SLC17A1: variants seen among roughly 807,000 people sequenced by gnomAD.
SLC17A1 encodes the protein solute carrier family 17 member 1, also known as sodium-dependent phosphate transport protein 1.
A neutral mutation model predicts 53.5 loss-of-function variants in SLC17A1; 51 were observed. The ratio of observed to expected loss-of-function variants is 0.95; its 90% CI spans 0.76 to 1.20. The LOEUF is 1.20. Ranked by LOEUF, SLC17A1 falls within the 50% of genes most tolerant of loss-of-function variation. The pLI is 0.00. For synonymous variants in SLC17A1, 179 were observed against 198.8 expected, an observed-to-expected ratio of 0.90 and a Z score of 0.84; for missense variants, 538 against 568.2, an observed-to-expected ratio of 0.95 and a Z score of 0.54.
At chr6:25,777,768 C>T in the SLC17A1 span, 1 of 611,250 alleles carries the variant, frequency 1.6e-6, no homozygotes, top group South Asian at 2.0e-5. Context: ...AAGGCTTACA[C>T]AATTCCAGTC....
At chr6:25,768,650 G>C in the SLC17A1 span, among the ~76,000 whole-genome samples, 7 of 152,004 alleles carry the variant, frequency 4.6e-5, no homozygotes, top group Non-Finnish European at 1.0e-4. Context: ...ATACCCAATC[G>C]GTCACTGCTC....
At chr6:25,802,395 A>G (rs1452530130) in intron 10 of SLC17A1, among the ~76,000 whole-genome samples, 1 of 152,160 alleles carries the variant, frequency 6.6e-6, no homozygotes, top group Non-Finnish European at 1.5e-5. Context: ...AAATTCAATT[A>G]TATTAGATTT....
downstream of SLC17A1, chr6:25,778,088 G>A: frequency 9.0e-7 from 1 of 1,113,884 alleles, no homozygotes; most frequent in Non-Finnish European, 1.3e-6. Context: ...CATATGCACG[G>A]CCTTGTATCC....
intron 12 of SLC17A1, among the ~76,000 whole-genome samples, chr6:25,786,730 T>C (rs1348322353): frequency 6.6e-6 from 1 of 152,218 alleles, no homozygotes; most frequent in Admixed American, 6.5e-5. Flanking sequence ...AAGCCAGAAA[T>C]TTCCATGCCT....
downstream of SLC17A1, chr6:25,779,448 G>A: frequency 2.8e-6 from 1 of 356,802 alleles, no homozygotes; most frequent in South Asian, 6.3e-5. Flanking sequence ...AAGCATCAGG[G>A]GCTGGGGACA....
intron 10 of SLC17A1, 141 bp downstream of exon 10, chr6:25,811,257 G>A: frequency 1.2e-6 from 1 of 831,558 alleles, no homozygotes; most frequent in Non-Finnish European, 1.9e-6. Context: ...TGCTAAGTGT[G>A]TGAGGTAATG....
At chr6:25,773,615 A>T in the SLC17A1 span, 2 of 1,613,880 alleles carry the variant, frequency 1.2e-6, no homozygotes. Context: ...GCTTTTTTAT[A>T]CCATTATGGC....
the SLC17A1 span, chr6:25,726,810 C>G: frequency 7.2e-7 from 1 of 1,392,514 alleles, no homozygotes; most frequent in Non-Finnish European, 9.8e-7. Flanking sequence ...GAGCTGAGGT[C>G]ATTTGGAGCT....
chr6:25,776,157 AT>A, the SLC17A1 span, among the ~76,000 whole-genome samples: 1 of 151,928 alleles, frequency 6.6e-6, no homozygotes, highest in Non-Finnish European at 1.5e-5. Context: ...CCAAAAAAAA[AT>A]GGGTGTTTTT....
chr6:25,768,902 A>G, the SLC17A1 span: 2 of 1,250,628 alleles, frequency 1.6e-6, no homozygotes, highest in African/African-American at 1.5e-5. Context: ...TCAGACAGAT[A>G]CCAATCTTCT....
chr6:25,819,656 G>A (rs760004649), intron 4 of SLC17A1, 26 bp downstream of exon 4: 3 of 1,611,940 alleles, frequency 1.9e-6, no homozygotes, highest in Non-Finnish European at 2.5e-6. Flanking sequence ...TTTAAACTCT[G>A]TTCAGTTTTA....
chr6:25,767,133 A>G, the SLC17A1 span, among the ~76,000 whole-genome samples: 2 of 152,104 alleles, frequency 1.3e-5, no homozygotes, highest in Non-Finnish European at 2.9e-5. Context: ...CTATGTACCT[A>G]AAACATTTCA....
chr6:25,767,262 A>G, the SLC17A1 span, among the ~76,000 whole-genome samples: 1 of 152,238 alleles, frequency 6.6e-6, no homozygotes, highest in African/African-American at 2.4e-5. Flanking sequence ...TATACTAAAT[A>G]AAATTCCAGC....
At chr6:25,727,126 A>G in the SLC17A1 span, 2 of 1,614,204 alleles carry the variant, frequency 1.2e-6, no homozygotes, top group Middle Eastern at 1.6e-4. Flanking sequence ...GATATCTTTG[A>G]GCGTATAGCG....
intron 3 of SLC17A1, among the ~76,000 whole-genome samples, chr6:25,825,003 G>A (rs945666854): frequency 1.1e-4 from 17 of 151,734 alleles, no homozygotes; most frequent in African/African-American, 4.1e-4. Context: ...ACTCTGCTTT[G>A]TCTAAAATTA....
At chr6:25,773,771 G>T in the SLC17A1 span, 1 of 1,343,800 alleles carries the variant, frequency 7.4e-7, no homozygotes, top group African/African-American at 1.5e-5. Flanking sequence ...TCACAAAATC[G>T]GGGGATTAGG....
chr6:25,732,512 C>T, the SLC17A1 span: 2 of 427,176 alleles, frequency 4.7e-6, no homozygotes, highest in Non-Finnish European at 4.5e-6. Flanking sequence ...TGCAGTTCCC[C>T]GTGGGCGGTG....
chr6:25,773,606 C>T, the SLC17A1 span: 1 of 1,613,948 alleles, frequency 6.2e-7, no homozygotes, highest in Non-Finnish European at 8.5e-7. Context: ...TGAATACTGG[C>T]TTTTTTATAC....
chr6:25,830,728 G>A, intron 1 of SLC17A1, 121 bp from the exon 2 acceptor site: 2 of 555,248 alleles, frequency 3.6e-6, no homozygotes, highest in Non-Finnish European at 6.5e-6. Flanking sequence ...TCACAGCAGT[G>A]CCCATTCACC....
Sources: allele counts gnomAD v4.1 joint callset (sites outside exome capture counted in the v4.1 genomes callset), GRCh38; gene constraint gnomAD v4.1.1; transcripts MANE v1.5; gene names NCBI Gene and HGNC (gene_info 2026-07-23, HGNC 2026-07-21).